Variants in SLC3A1 observed in about 807,000 individuals in gnomAD.
SLC3A1 encodes the protein amino acid transporter heavy chain SLC3A1.
SLC3A1 carries 78 observed loss-of-function variants against 60.3 expected under a neutral mutation model. The observed-to-expected ratio is 1.29, with a 90% confidence interval of 1.08 to 1.56. SLC3A1 has a LOEUF of 1.56. Among genes scored for constraint, SLC3A1 ranks in the 40% most tolerant of loss-of-function variants. The probability of loss-of-function intolerance (pLI) is 0.00; values close to 1 mark genes in which losing one functional copy is unlikely to be tolerated. For missense variants in SLC3A1, 1,172 were observed against 858.9 expected (o/e 1.36, Z -4.56); for synonymous variants, 392 against 307.9 (o/e 1.27, Z -2.86).
chr2:44,278,403 G>A (rs1328400823), intron 1 of SLC3A1, among the ~76,000 whole-genome samples: 1 of 151,880 alleles, frequency 6.6e-6, no homozygotes, highest in Non-Finnish European at 1.5e-5. Context: ...AGCTAAGATC[G>A]CACCACTGCA....
chr2:44,292,691 A>T (rs183621937), intron 4 of SLC3A1, among the ~76,000 whole-genome samples: 1 of 152,024 alleles, frequency 6.6e-6, no homozygotes, highest in Non-Finnish European at 1.5e-5. Context: ...CATGGGTGGG[A>T]GTGTTTCCAG....
chr2:44,286,534 CGGT>C (rs1364769412), intron 4 of SLC3A1, among the ~76,000 whole-genome samples: 1 of 103,894 alleles, frequency 9.6e-6, no homozygotes, highest in African/African-American at 3.2e-5. Context: ...GTGCCTGTGA[CGGT>C]GAGCTGTGCG....
intron 7 of SLC3A1, among the ~76,000 whole-genome samples, chr2:44,311,545 T>C (rs1446492465): frequency 1.3e-5 from 2 of 152,214 alleles, no homozygotes; most frequent in Admixed American, 6.5e-5. Context: ...TTGTGCTCTA[T>C]GTCCAGAAGT....
intron 7 of SLC3A1, 53 bp from the exon 8 acceptor site, chr2:44,312,533 T>G: frequency 6.3e-7 from 1 of 1,586,310 alleles, no homozygotes; most frequent in Non-Finnish European, 8.7e-7. Context: ...ATAGGGTAAA[T>G]CTTTCAGAAA....
chr2:44,291,572 A>G (rs1671740390), intron 4 of SLC3A1, among the ~76,000 whole-genome samples: 1 of 152,204 alleles, frequency 6.6e-6, no homozygotes, highest in African/African-American at 2.4e-5. Context: ...AATGCTGAGA[A>G]GCTGAGAGGA....
chr2:44,299,980 C>T lies in SLC3A1; in HGVS notation c.901C>T (p.Arg301Trp), dbSNP rs200001296. The change falls in exon 5 of 10, where the codon CGG (arginine) becomes TGG (tryptophan). Residue 301 changes from arginine to tryptophan, a missense_variant. By Grantham distance (101) the Arg-to-Trp change is moderately radical (BLOSUM62 -3). Transcript: ENST00000260649. ...GCTTCTTCATCTTTAGGAAATTTTACGGTTCTGGCTCACAAAGGGTGTTGA... is the reference window on the plus strand; with the variant it reads ...GCTTCTTCATCTTTAGGAAATTTTATGGTTCTGGCTCACAAAGGGTGTTGA... Reference protein sequence around the residue: ...DVQEEIKEILRFWLTKGVDGF... With the variant: ...DVQEEIKEILWFWLTKGVDGF... 4.6e-5 allele frequency: 75 copies of T among 1,613,924 alleles called. No homozygotes were observed. In the African/African-American group the frequency reaches 5.9e-4, roughly 13 times the overall value.
intron 4 of SLC3A1, among the ~76,000 whole-genome samples, chr2:44,293,807 C>T (rs1671789227): frequency 6.6e-6 from 1 of 152,192 alleles, no homozygotes; most frequent in African/African-American, 2.4e-5. Flanking sequence ...AATTCTGCTG[C>T]CACCACTTAC....
chr2:44,288,747 A>G (rs958408584), intron 4 of SLC3A1, among the ~76,000 whole-genome samples: 4 of 152,236 alleles, frequency 2.6e-5, no homozygotes, highest in Admixed American at 1.3e-4. Flanking sequence ...AAAGACGTTG[A>G]ACATCTTTTT....
In SLC3A1 at chr2:44,300,039, A is replaced by ATC. The variant is rs762459534; in HGVS notation, c.960_961insTC (p.Glu321SerfsTer6). On this transcript the variant is annotated frameshift_variant, in exon 5 of 10. Coordinates refer to ENST00000260649, the MANE Select transcript of SLC3A1 (RefSeq NM_000341.4). LOFTEE classifies it high-confidence loss of function. ...GTTTGGATGCTGTTAAATTCCTCCT[A>ATC]GAAGCAAAGCACCTGAGAGATGAGA... 34 of 1,613,682 alleles carry ATC rather than the reference A, an allele frequency of 2.1e-5. No homozygotes were observed. The highest frequency in any genetic ancestry group is 2.7e-5 in the Non-Finnish European group (32 of 1,179,676).
intron 6 of SLC3A1, among the ~76,000 whole-genome samples, chr2:44,302,309 G>C (rs1672033004): frequency 6.6e-6 from 1 of 152,120 alleles, no homozygotes; most frequent in Non-Finnish European, 1.5e-5. Context: ...GCTGTTGTGA[G>C]ATTAAATTAG....
downstream of SLC3A1, chr2:44,321,932 G>C (rs777741969): frequency 1.9e-6 from 3 of 1,588,068 alleles, no homozygotes; most frequent in South Asian, 3.4e-5. Context: ...ACAATTAGAA[G>C]ATTGTATGGG....
chr2:44,309,897 C>CT (rs111309829), intron 7 of SLC3A1, among the ~76,000 whole-genome samples: 5,535 of 151,382 alleles, frequency 0.037, 319 homozygotes, highest in African/African-American at 0.13. Flanking sequence ...TGTGCCCAGG[C>CT]TTTTTTTTTG....
intron 1 of SLC3A1, among the ~76,000 whole-genome samples, chr2:44,278,740 G>A (rs6544754): frequency 0.018 from 2,678 of 152,016 alleles, 80 homozygotes; most frequent in African/African-American, 0.061. Flanking sequence ...TAAATACAAA[G>A]TTTCATTTCC....
At chr2:44,299,225 G>A (rs1168003037) in intron 4 of SLC3A1, among the ~76,000 whole-genome samples, 1 of 151,960 alleles carries the variant, frequency 6.6e-6, no homozygotes, top group Non-Finnish European at 1.5e-5. Context: ...TTTTAGTAGA[G>A]ACAGGGTTTC....
At chr2:44,310,346 T>A (rs1281892168) in intron 7 of SLC3A1, among the ~76,000 whole-genome samples, 4 of 152,230 alleles carry the variant, frequency 2.6e-5, no homozygotes, top group African/African-American at 4.8e-5. Flanking sequence ...AAAATTATAC[T>A]CATCATAGTA....
intron 9 of SLC3A1, chr2:44,319,831 C>T: frequency 5.1e-6 from 1 of 197,682 alleles, no homozygotes; most frequent in Non-Finnish European, 1.0e-5. Context: ...TGCCTTCTTT[C>T]TGGCCATCTG....
At chr2:44,291,527 TG>T (rs1469914968) in intron 4 of SLC3A1, among the ~76,000 whole-genome samples, 2 of 152,144 alleles carry the variant, frequency 1.3e-5, no homozygotes, top group Non-Finnish European at 2.9e-5. Flanking sequence ...TTTGCAAGAC[TG>T]GTTTAGAAGA....
intron 4 of SLC3A1, among the ~76,000 whole-genome samples, chr2:44,291,088 T>C (rs893872387): frequency 6.6e-6 from 1 of 152,216 alleles, no homozygotes; most frequent in South Asian, 2.1e-4. Context: ...GGAGCAGGAC[T>C]GAAATCCAGA....
rs753321581 is a variant in SLC3A1 at position 44,304,158 on chromosome 2, A to C, written c.1152A>C (p.Glu384Asp). The C allele has an allele frequency of 6.2e-7, 1 of 1,614,032 alleles. No individual in the cohort carries two copies. Among genetic ancestry groups the C allele is most frequent in the Non-Finnish European group, 8.5e-7 (1 of 1,179,886 alleles). Reference sequence around the variant, plus strand: ...ACTCTTATAGGTTCATGGGGACTGAAGCCTATGCAGAGAGTATTGACAGGA... The same window carrying C: ...ACTCTTATAGGTTCATGGGGACTGACGCCTATGCAGAGAGTATTGACAGGA... ...EPGRYRFMGT[E>D]AYAESIDRTV... The change falls in exon 7 of 10, where the codon GAA (glutamate) becomes GAC (aspartate). Residue 384 changes from glutamate (E) to aspartate (D), a missense_variant. Transcript: ENST00000260649.
Sources: gnomAD v4.1 joint callset for allele counts (sites outside exome capture counted in the v4.1 genomes callset) on GRCh38, gnomAD v4.1.1 for gene constraint, MANE v1.5 for transcripts, NCBI Gene and HGNC (gene_info 2026-07-23, HGNC 2026-07-21) for gene names.